CUX1: variants seen among roughly 807,000 people sequenced by gnomAD.
The protein encoded by CUX1 is cut like homeobox 1.
Under a neutral mutation model 158.8 loss-of-function variants are expected in CUX1, and 31 were observed. The ratio of observed to expected loss-of-function variants is 0.20; its 90% CI spans 0.15 to 0.26. CUX1 has a LOEUF of 0.26. CUX1 is among the 10% of genes least tolerant of loss of function. The pLI is 1.00. For missense variants in CUX1, 1,589 were observed against 2,014.6 expected, an observed-to-expected ratio of 0.79 and a Z score of 4.04; for synonymous variants, 879 against 862.1, an observed-to-expected ratio of 1.02 and a Z score of -0.34.
rs1801219795 is a variant in CUX1, at chr7:102,249,287, A to G, written c.*245A>G. 1 of 1,037,238 alleles carries G rather than the reference A, an allele frequency of 9.6e-7. No individual in the cohort carries two copies. Among genetic ancestry groups the G allele is most frequent in the Non-Finnish European group, 1.2e-6 (1 of 863,018 alleles). 64.3% of individuals were successfully genotyped at this position (1,037,238 alleles called of 1,614,324 possible). On this transcript the variant is annotated 3_prime_UTR_variant, in exon 24 of 24. Coordinates refer to ENST00000292535, the MANE Select transcript of CUX1 (RefSeq NM_181552.4). ...CCGGGCCGACCCTGCGGCCTCCACCAACCCCGCGGCCCAGACCCAGCCCGC... is the reference window on the plus strand; with the variant it reads ...CCGGGCCGACCCTGCGGCCTCCACCGACCCCGCGGCCCAGACCCAGCCCGC...
At chr7:102,019,119 C>T (rs1585297174) in intron 2 of CUX1, among the ~76,000 whole-genome samples, 1 of 152,204 alleles carries the variant, frequency 6.6e-6, no homozygotes, top group East Asian at 1.9e-4. Flanking sequence ...TAGTCCTTTG[C>T]ACCATCCTCA....
intron 1 of CUX1, among the ~76,000 whole-genome samples, chr7:101,900,647 G>T (rs952048583): frequency 3.3e-5 from 5 of 152,134 alleles, no homozygotes; most frequent in Non-Finnish European, 7.3e-5. Flanking sequence ...AATCCAGGCA[G>T]AAACATTTTG....
chr7:102,276,733 G>A (rs1554547832), intron 17 of CUX1, among the ~76,000 whole-genome samples: 1 of 152,098 alleles, frequency 6.6e-6, no homozygotes, highest in Non-Finnish European at 1.5e-5. Context: ...CCATGAATAC[G>A]AACATTCGGT....
At chr7:101,878,782 C>G (rs1216966273) in intron 1 of CUX1, among the ~76,000 whole-genome samples, 2 of 151,992 alleles carry the variant, frequency 1.3e-5, no homozygotes, top group Admixed American at 1.3e-4. Context: ...ACACAATTCT[C>G]CTGCCTGAGC....
intron 1 of CUX1, among the ~76,000 whole-genome samples, chr7:101,884,463 T>G (rs1044254970): frequency 7.9e-5 from 12 of 152,196 alleles, no homozygotes; most frequent in African/African-American, 2.4e-4. Flanking sequence ...TGTGCCATGT[T>G]GGGGCCTCAT....
At chr7:101,914,246 G>T (rs762145697) in intron 1 of CUX1, among the ~76,000 whole-genome samples, 1 of 152,080 alleles carries the variant, frequency 6.6e-6, no homozygotes, top group Non-Finnish European at 1.5e-5. Context: ...GAAGAGTGTG[G>T]TGTGGTGGTA....
At position 101,916,896 on chromosome 7, in the gene CUX1, CA is replaced by C. The variant is rs1405514119; in HGVS notation, c.141+672del. The stretch of plus-strand genomic sequence containing the variant: ...CCTTCTTCCTTCCCTTCAACCCTAT[CA>C]GGGGCTTACTAAGAAAAAAAAAAAA... On this transcript the variant is annotated intron_variant, in intron 2 of 23. Coordinates refer to ENST00000292535, the MANE Select transcript of CUX1 (RefSeq NM_181552.4). This position sits in a 1 kb window ranked among gnomAD's most constrained non-coding sequence, Gnocchi z 4.4. 6.6e-6 allele frequency among the ~76,000 whole-genome samples: 1 copy of C among 151,444 alleles called. No individual in the cohort carries two copies. Among genetic ancestry groups the C allele is most frequent in the Non-Finnish European group, 1.5e-5 (1 of 67,854 alleles).
intron 1 of CUX1, among the ~76,000 whole-genome samples, chr7:101,914,008 C>T (rs1038283441): frequency 6.6e-6 from 1 of 151,904 alleles, no homozygotes; most frequent in Non-Finnish European, 1.5e-5. Context: ...TGTGACTGCT[C>T]CTCTCTTATC....
At chr7:102,006,984 C>G (rs1207166576) in intron 2 of CUX1, among the ~76,000 whole-genome samples, 1 of 152,158 alleles carries the variant, frequency 6.6e-6, no homozygotes, top group African/African-American at 2.4e-5. Flanking sequence ...CGGGCCTCCT[C>G]CTCTGCTTGG....
chr7:102,014,043 T>C (rs1391629991), intron 2 of CUX1, among the ~76,000 whole-genome samples: 3 of 152,188 alleles, frequency 2.0e-5, no homozygotes, highest in Middle Eastern at 3.4e-3. Context: ...AAGGTGCAAT[T>C]TGTGGCTCCA....
At chr7:102,046,186 G>A (rs1312096064) in intron 3 of CUX1, among the ~76,000 whole-genome samples, 2 of 152,166 alleles carry the variant, frequency 1.3e-5, no homozygotes, top group Non-Finnish European at 2.9e-5. Flanking sequence ...AGCCCCTATG[G>A]GAGTCGGGAC....
chr7:102,163,844 A>G (rs1179540179), intron 9 of CUX1, among the ~76,000 whole-genome samples: 1 of 152,198 alleles, frequency 6.6e-6, no homozygotes, highest in Non-Finnish European at 1.5e-5. Context: ...TCACTGGCAT[A>G]CAACATTCGT....
intron 1 of CUX1, among the ~76,000 whole-genome samples, chr7:101,821,527 A>T (rs1246423512): frequency 2.9e-4 from 42 of 144,800 alleles, no homozygotes; most frequent in Non-Finnish European, 5.3e-4. Flanking sequence ...TTTAGTAGAG[A>T]CGGGGTTTCA....
intron 1 of CUX1, among the ~76,000 whole-genome samples, chr7:101,887,950 A>G (rs1800419704): frequency 6.6e-6 from 1 of 151,416 alleles, no homozygotes; most frequent in African/African-American, 2.4e-5. Context: ...ACTCCAGGAG[A>G]ACGCATTCAA....
At chr7:101,944,581 A>T (rs1258116869) in intron 2 of CUX1, among the ~76,000 whole-genome samples, 3 of 152,184 alleles carry the variant, frequency 2.0e-5, no homozygotes, top group Non-Finnish European at 4.4e-5. Flanking sequence ...GCCTAAGGTC[A>T]CACTTTGGTG....
At position 102,251,795 on chromosome 7, in the gene CUX1, G is replaced by A; in HGVS notation, c.*2753G>A. 1.0e-6 allele frequency: 1 copy of A among 985,336 alleles called. No individual in the cohort carries two copies. The highest frequency in any genetic ancestry group is 1.2e-6 in the Non-Finnish European group (1 of 829,900). 61.0% of individuals were successfully genotyped at this position (985,336 alleles called of 1,614,324 possible). ...CTAATTTTCATAAGAATGAAAAGAAGTTAACAGGAAATAGTAGGCTAGGGT... is the reference window on the plus strand; with the variant it reads ...CTAATTTTCATAAGAATGAAAAGAAATTAACAGGAAATAGTAGGCTAGGGT... On this transcript the variant is annotated 3_prime_UTR_variant, in exon 24 of 24. Transcript: ENST00000292535.
At chr7:102,261,494 A>G (rs943097113), downstream of CUX1, among the ~76,000 whole-genome samples, 3 of 152,158 alleles carry the variant, frequency 2.0e-5, no homozygotes, top group South Asian at 2.1e-4. Context: ...ACTCTGGCTC[A>G]AAAAAATAAA....
At chr7:102,092,319 C>T (rs201440) in intron 4 of CUX1, among the ~76,000 whole-genome samples, 91,680 of 152,014 alleles carry the variant, frequency 0.6, 29,526 homozygotes, top group African/African-American at 0.79. Flanking sequence ...ACAGCTACCA[C>T]GGGACCTTTC....
At chr7:102,122,456 T>G (rs1832149374) in intron 8 of CUX1, among the ~76,000 whole-genome samples, 1 of 152,100 alleles carries the variant, frequency 6.6e-6, no homozygotes, top group South Asian at 2.1e-4. Context: ...TCTTGGGATT[T>G]TTCATCTCTG....
Sources: gnomAD v4.1 joint callset for allele counts (sites outside exome capture counted in the v4.1 genomes callset) on GRCh38, gnomAD v4.1.1 for gene constraint, Gnocchi (gnomAD v3.1) non-coding constraint, MANE v1.5 for transcripts, NCBI Gene and HGNC (gene_info 2026-07-23, HGNC 2026-07-21) for gene names.